The following UNC13C variants were observed in gnomAD, a reference collection of about 807,000 sequenced individuals.
UNC13C encodes protein unc-13 homolog C.
Under a neutral mutation model 245.4 loss-of-function variants are expected in UNC13C, and 174 were observed. That is an observed-to-expected ratio of 0.71 (90% CI 0.63 to 0.80). UNC13C has a LOEUF of 0.80. UNC13C is among the 30% of genes least tolerant of loss of function. The pLI is 0.00. For synonymous variants in UNC13C, 992 were observed against 895.1 expected, an observed-to-expected ratio of 1.11 and a Z score of -1.93; for missense variants, 2,829 against 2,602.9, an observed-to-expected ratio of 1.09 and a Z score of -1.89.
chr15:54,487,688 C>T (rs929394104), intron 19 of UNC13C, among the ~76,000 whole-genome samples: 5 of 148,884 alleles, frequency 3.4e-5, no homozygotes, highest in Non-Finnish European at 5.9e-5. Flanking sequence ...AATTGCTTGA[C>T]CTCAGGAGGT....
intron 1 of UNC13C, among the ~76,000 whole-genome samples, chr15:53,994,675 A>C (rs1384285179): frequency 1.3e-5 from 2 of 152,172 alleles, no homozygotes; most frequent in African/African-American, 2.4e-5. Context: ...AGTTTTGCAC[A>C]ATTAATGAAG....
chr15:53,937,133 A>G, the UNC13C span, among the ~76,000 whole-genome samples: 2 of 152,202 alleles, frequency 1.3e-5, no homozygotes, highest in Non-Finnish European at 2.9e-5. Context: ...GCGAAAAATC[A>G]TGATAAAACA....
chr15:54,226,019 G>A (rs1369383578), intron 4 of UNC13C, among the ~76,000 whole-genome samples: 1 of 152,198 alleles, frequency 6.6e-6, no homozygotes, highest in African/African-American at 2.4e-5. Flanking sequence ...AACATGAAGA[G>A]ATGTTGAATT....
intron 1 of UNC13C, among the ~76,000 whole-genome samples, chr15:53,984,582 C>T (rs549409236): frequency 5.2e-4 from 79 of 152,076 alleles, no homozygotes; most frequent in African/African-American, 1.4e-3. Context: ...ACAGAGTTTA[C>T]GGGAGGATTA....
At chr15:54,058,110 T>G (rs1484112462) in intron 2 of UNC13C, among the ~76,000 whole-genome samples, 1 of 151,592 alleles carries the variant, frequency 6.6e-6, no homozygotes, top group Admixed American at 6.6e-5. Context: ...ATAACTAAGA[T>G]CAGAGCAGAA....
intron 30 of UNC13C, among the ~76,000 whole-genome samples, chr15:54,587,522 C>T (rs187583338): frequency 5.3e-5 from 8 of 152,346 alleles, no homozygotes; most frequent in Non-Finnish European, 8.8e-5. Context: ...ATAACTTCCA[C>T]ATATAGATAG....
intron 12 of UNC13C, among the ~76,000 whole-genome samples, chr15:54,299,870 T>C (rs141161366): frequency 6.6e-6 from 1 of 152,254 alleles, no homozygotes; most frequent in African/African-American, 2.4e-5. Flanking sequence ...CTGTGCCTTA[T>C]TTGCTGAGGA....
At chr15:54,096,919 A>G (rs1899899068) in intron 2 of UNC13C, among the ~76,000 whole-genome samples, 1 of 152,234 alleles carries the variant, frequency 6.6e-6, no homozygotes, top group Non-Finnish European at 1.5e-5. Context: ...GGTGAGAGAG[A>G]GGATATCGAC....
intron 17 of UNC13C, among the ~76,000 whole-genome samples, chr15:54,358,619 T>C (rs1039478192): frequency 1.3e-5 from 2 of 148,516 alleles, no homozygotes; most frequent in Admixed American, 1.3e-4. Flanking sequence ...TAGTCTGTAA[T>C]TGGTGTGTAG....
chr15:54,322,825 G>A (rs894427290), intron 14 of UNC13C, among the ~76,000 whole-genome samples: 1 of 151,964 alleles, frequency 6.6e-6, no homozygotes, highest in African/African-American at 2.4e-5. Context: ...ATGGAGAAGA[G>A]AGGATAGATA....
At position 54,627,245 on chromosome 15, in the gene UNC13C, T is replaced by C; in HGVS notation, c.*132T>C. 4.1e-6 allele frequency: 4 copies of C among 966,456 alleles called. No homozygotes were observed. Among genetic ancestry groups the C allele is most frequent in the Non-Finnish European group, 5.8e-6 (4 of 693,932 alleles). The allele number at this position is 966,456 out of a possible 1,614,324, so 59.9% of individuals were successfully genotyped here. ...TCATGTACGATGTCTACAAGGTATG[T>C]AAAAAACCTGCTGAACTTTTATACC... On this transcript the variant is annotated 3_prime_UTR_variant, in exon 33 of 33. Transcript: ENST00000260323.
chr15:54,258,862 C>G (rs2036349161), intron 8 of UNC13C, among the ~76,000 whole-genome samples: 1 of 152,166 alleles, frequency 6.6e-6, no homozygotes, highest in Non-Finnish European at 1.5e-5. Context: ...CTAACAAGCT[C>G]AAGACTAAAA....
chr15:54,388,344 A>G (rs1361835794), intron 17 of UNC13C, among the ~76,000 whole-genome samples: 1 of 152,138 alleles, frequency 6.6e-6, no homozygotes, highest in Non-Finnish European at 1.5e-5. Flanking sequence ...TCAACATTCA[A>G]CACTGGAGAA....
the UNC13C span, among the ~76,000 whole-genome samples, chr15:53,840,124 C>T: frequency 1.3e-5 from 2 of 152,066 alleles, no homozygotes. Flanking sequence ...ATTCCAATTC[C>T]TTCAACACCA....
chr15:54,142,337 T>C (rs914776143), intron 2 of UNC13C, among the ~76,000 whole-genome samples: 2 of 152,168 alleles, frequency 1.3e-5, no homozygotes, highest in South Asian at 4.1e-4. Context: ...AAACATTAGA[T>C]GTAAAGAGCA....
At chr15:53,942,936 T>C in the UNC13C span, among the ~76,000 whole-genome samples, 1 of 152,268 alleles carries the variant, frequency 6.6e-6, no homozygotes, top group Non-Finnish European at 1.5e-5. Context: ...GTGCTGGGAT[T>C]GCAGGCGTGA....
chr15:54,528,007 A>C (rs1454400378), intron 25 of UNC13C, among the ~76,000 whole-genome samples: 3 of 152,016 alleles, frequency 2.0e-5, no homozygotes, highest in Non-Finnish European at 4.4e-5. Context: ...TAAGGTCTAA[A>C]TTGGCAGTGT....
At chr15:53,969,490 C>G in the UNC13C span, among the ~76,000 whole-genome samples, 3 of 151,752 alleles carry the variant, frequency 2.0e-5, no homozygotes, top group Non-Finnish European at 4.4e-5. Flanking sequence ...TGAGGCCAGC[C>G]TGGTCAATAT....
chr15:54,416,453 C>G (rs576570531), intron 19 of UNC13C, among the ~76,000 whole-genome samples: 1 of 152,208 alleles, frequency 6.6e-6, no homozygotes, highest in South Asian at 2.1e-4. Context: ...TAAAATCACA[C>G]CAGAACTGCT....
Sources: allele counts gnomAD v4.1 joint callset (sites outside exome capture counted in the v4.1 genomes callset), GRCh38; gene constraint gnomAD v4.1.1; transcripts MANE v1.5; gene names NCBI Gene and HGNC (gene_info 2026-07-23, HGNC 2026-07-21).